Variants in DBT observed in about 807,000 individuals in gnomAD.
DBT encodes dihydrolipoamide branched chain transacylase E2.
Under a neutral mutation model 51.3 loss-of-function variants are expected in DBT, and 40 were observed. That is an observed-to-expected ratio of 0.78 (90% CI 0.61 to 1.02). The LOEUF (loss-of-function observed/expected upper bound fraction) is 1.02. Among genes scored for constraint, DBT ranks in the 50% least tolerant of loss-of-function variants. The pLI, the probability that DBT is intolerant of heterozygous loss-of-function variation, is 0.00. For synonymous variants in DBT, 181 were observed against 190.4 expected (o/e 0.95, Z 0.41); for missense variants, 510 against 580.2 (o/e 0.88, Z 1.24).
chr1:100,217,940 T>TTA (rs747933349), intron 5 of DBT, among the ~76,000 whole-genome samples: 6 of 151,528 alleles, frequency 4.0e-5, no homozygotes, highest in African/African-American at 1.5e-4. Flanking sequence ...CTGTGTGACT[T>TTA]TAGACTAGTT....
intron 4 of DBT, among the ~76,000 whole-genome samples, chr1:100,226,376 T>C (rs1005719778): frequency 4.0e-5 from 6 of 149,138 alleles, no homozygotes; most frequent in African/African-American, 1.2e-4. Context: ...CTCTACCTCC[T>C]GGGCTCAAGT....
Position 100,230,802 on chromosome 1 carries a change from A to G in DBT, c.364T>C (p.Tyr122His), listed in dbSNP as rs533850280. 2.7e-5 allele frequency: 43 copies of G among 1,610,260 alleles called. No individual in the cohort carries two copies. The South Asian group carries it at 4.5e-4, about 17-fold the overall frequency. The change falls in exon 4 of 11, where the codon TAT (tyrosine) becomes CAT (histidine). Residue 122 changes from tyrosine (Y) to histidine (H), a missense_variant. Physicochemically the swap from Tyr to His is moderately conservative, Grantham distance 83. Coordinates refer to ENST00000370132, the MANE Select transcript of DBT (RefSeq NM_001918.5). ...SRYDGVIKKL[Y>H]YNLDDIAYVG... is the part of the protein sequence containing the mutation. ...TAGGCAATATCGTCTAGATTATAATAGAGTTTTTTAATGACTCCATCATAA... is the reference window on the plus strand; with the variant it reads ...TAGGCAATATCGTCTAGATTATAATGGAGTTTTTTAATGACTCCATCATAA...
At chr1:100,222,602 G>C (rs1175303400) in intron 4 of DBT, among the ~76,000 whole-genome samples, 1 of 152,134 alleles carries the variant, frequency 6.6e-6, no homozygotes, top group Non-Finnish European at 1.5e-5. Context: ...GTCAAAAGCA[G>C]ATATTACATT....
intron 4 of DBT, among the ~76,000 whole-genome samples, chr1:100,229,314 C>A (rs1176305422): frequency 6.6e-6 from 1 of 152,148 alleles, no homozygotes; most frequent in Admixed American, 6.5e-5. Context: ...ACTACAGGCA[C>A]GCACCACCAT....
At chr1:100,204,208 C>T (rs530881437) in intron 10 of DBT, among the ~76,000 whole-genome samples, 16 of 152,230 alleles carry the variant, frequency 1.1e-4, no homozygotes, top group South Asian at 6.2e-4. Context: ...AAAACCCCAT[C>T]GGCTCAGCCC....
At chr1:100,237,209 G>C (rs1663922399) in intron 2 of DBT, among the ~76,000 whole-genome samples, 1 of 152,194 alleles carries the variant, frequency 6.6e-6, no homozygotes, top group South Asian at 2.1e-4. Context: ...CTAGTCTACT[G>C]GAGGATGAGA....
Position 100,230,865 on chromosome 1 carries a change from C to G in DBT, c.301G>C (p.Val101Leu), listed in dbSNP as rs965803327. 6 of 1,608,640 alleles carry G rather than the reference C, an allele frequency of 3.7e-6. No homozygotes were observed. The African/African-American group carries it at 8.0e-5, about 22-fold the overall frequency. ...TVSQFDSICE[V>L]QSDKASVTIT... ...GTAACAGAAGCTTTATCACTTTGAACTTCACAGATGCTATCAAACTGAGAC... is the reference window on the plus strand; with the variant it reads ...GTAACAGAAGCTTTATCACTTTGAAGTTCACAGATGCTATCAAACTGAGAC... Residue 101 changes from valine (V) to leucine (L), a missense_variant, in exon 4 of 11, where the codon GTT becomes CTT. By Grantham distance (32) the Val-to-Leu change is conservative (BLOSUM62 1). Transcript: ENST00000370132.
intron 5 of DBT, among the ~76,000 whole-genome samples, chr1:100,217,882 T>C (rs1488832869): frequency 6.6e-6 from 1 of 152,224 alleles, no homozygotes; most frequent in East Asian, 1.9e-4. Flanking sequence ...AGCACAGGTT[T>C]TGGAGTGATA....
intron 1 of DBT, among the ~76,000 whole-genome samples, 173 bp downstream of exon 1, chr1:100,249,597 C>T (rs569009716): frequency 9.9e-5 from 15 of 152,260 alleles, no homozygotes; most frequent in African/African-American, 2.9e-4. Flanking sequence ...GGTTTCCACT[C>T]CAGACTGGTC....
chr1:100,210,128 T>C (rs902287560), intron 8 of DBT, among the ~76,000 whole-genome samples: 1 of 151,684 alleles, frequency 6.6e-6, no homozygotes, highest in African/African-American at 2.4e-5. Flanking sequence ...CTGGGCAACA[T>C]AATGAGACCA....
intron 2 of DBT, among the ~76,000 whole-genome samples, chr1:100,237,252 G>A (rs528411754): frequency 7.9e-5 from 12 of 152,232 alleles, no homozygotes; most frequent in South Asian, 2.1e-4. Flanking sequence ...TTGCCCCATC[G>A]GAAACCCAGC....
At chr1:100,196,721 A>G in intron 10 of DBT, 1 of 392,992 alleles carries the variant, frequency 2.5e-6, no homozygotes, top group Non-Finnish European at 4.6e-6. Flanking sequence ...ATAATTATTT[A>G]CTGTATACCC....
At position 100,193,142 on chromosome 1, in the gene DBT, C is replaced by A; in HGVS notation, c.*3113G>T. Reference sequence around the variant, plus strand: ...AGACCAAAGAGAAGATAGTAATACCCAAGGGTTGGAATAGAACCAGATAAC... The same window carrying A: ...AGACCAAAGAGAAGATAGTAATACCAAAGGGTTGGAATAGAACCAGATAAC... On this transcript the variant is annotated 3_prime_UTR_variant, in exon 11 of 11. Transcript: ENST00000370132. The A allele has an allele frequency of 6.6e-6, 1 of 152,282 alleles. No homozygotes were observed. Among genetic ancestry groups the A allele is most frequent in the Non-Finnish European group, 1.5e-5 (1 of 68,044 alleles). The allele number at this position is 152,282 out of a possible 1,614,324, so 9.4% of individuals were successfully genotyped here.
At position 100,195,555 on chromosome 1, in the gene DBT, T is replaced by C. The variant is rs1661039013; in HGVS notation, c.*700A>G. On this transcript the variant is annotated 3_prime_UTR_variant, in exon 11 of 11. Coordinates refer to ENST00000370132, the MANE Select transcript of DBT (RefSeq NM_001918.5). Reference sequence around the variant, plus strand: ...AACGGAAATGGAAAATATTTTTGTATATAAATTCCATTTCTTAATTAAGTA... The same window carrying C: ...AACGGAAATGGAAAATATTTTTGTACATAAATTCCATTTCTTAATTAAGTA... 6.6e-6 allele frequency: 1 copy of C among 152,288 alleles called. No individual in the cohort carries two copies. The highest frequency in any genetic ancestry group is 6.5e-5 in the Admixed American group (1 of 15,290). 9.4% of individuals were successfully genotyped at this position (152,288 alleles called of 1,614,324 possible). A position where few individuals can be genotyped will look rare whatever the true frequency, so the allele number is the denominator to read the frequency against.
intron 1 of DBT, chr1:100,249,108 GGAA>G: frequency 1.0e-6 from 1 of 988,346 alleles, no homozygotes; most frequent in Non-Finnish European, 1.2e-6. Context: ...AGAAGAGGCA[GGAA>G]GAAGAAACAC....
chr1:100,215,927 G>A, intron 6 of DBT, 56 bp downstream of exon 6: 1 of 1,044,488 alleles, frequency 9.6e-7, no homozygotes, highest in Non-Finnish European at 1.5e-6. Context: ...TACTGAGGTA[G>A]CTTCCCCCAA....
intron 8 of DBT, chr1:100,210,484 C>G (rs1570811079): frequency 4.9e-6 from 3 of 615,188 alleles, no homozygotes; most frequent in Non-Finnish European, 7.7e-6. Flanking sequence ...AAAAAAAAAG[C>G]TTAAAAATAG....
At chr1:100,225,826 C>CAAA (rs71084809) in intron 4 of DBT, among the ~76,000 whole-genome samples, 62,430 of 86,952 alleles carry the variant, frequency 0.72, 22,796 homozygotes, top group East Asian at 0.87. Flanking sequence ...CTCCATCTCA[C>CAAA]AAAAAAAAAA....
chr1:100,187,451 C>T lies in DBT; in HGVS notation c.*8804G>A, dbSNP rs1371646057. On this transcript the variant is annotated 3_prime_UTR_variant, in exon 11 of 11. Coordinates refer to ENST00000370132, the MANE Select transcript of DBT (RefSeq NM_001918.5). ...GCTATACTGAATTTAAAACTTTTTACACACATAATCCTGTGCAAACTATGT... is the reference window on the plus strand; with the variant it reads ...GCTATACTGAATTTAAAACTTTTTATACACATAATCCTGTGCAAACTATGT... 6.6e-6 allele frequency: 1 copy of T among 152,192 alleles called. No individual in the cohort carries two copies. The highest frequency in any genetic ancestry group is 2.4e-5 in the African/African-American group (1 of 41,446). 9.4% of individuals were successfully genotyped at this position (152,192 alleles called of 1,614,324 possible). A position where few individuals can be genotyped will look rare whatever the true frequency, so the allele number is the denominator to read the frequency against.
Sources: gnomAD v4.1 joint callset for allele counts (sites outside exome capture counted in the v4.1 genomes callset) on GRCh38, gnomAD v4.1.1 for gene constraint, MANE v1.5 for transcripts, NCBI Gene and HGNC (gene_info 2026-07-23, HGNC 2026-07-21) for gene names.